The following CASD1 variants were observed in gnomAD, a reference collection of about 807,000 sequenced individuals.
CASD1 encodes the protein N-acetylneuraminate (7)9-O-acetyltransferase.
CASD1 carries 41 observed loss-of-function variants against 100.0 expected under a neutral mutation model. The ratio of observed to expected loss-of-function variants is 0.41; its 90% CI spans 0.32 to 0.53. The LOEUF (loss-of-function observed/expected upper bound fraction) is 0.53. Ranked by LOEUF, CASD1 falls within the 20% of genes least tolerant of loss-of-function variation. The pLI, the probability that CASD1 is intolerant of heterozygous loss-of-function variation, is 0.25. For missense variants in CASD1, 774 were observed against 948.7 expected, an observed-to-expected ratio of 0.82 and a Z score of 2.42; for synonymous variants, 321 against 315.6, an observed-to-expected ratio of 1.02 and a Z score of -0.18.
chr7:94,634,034 ATC>A, the CASD1 span, among the ~76,000 whole-genome samples: 1 of 152,176 alleles, frequency 6.6e-6, no homozygotes, highest in African/African-American at 2.4e-5. Flanking sequence ...TCTTAAAGCC[ATC>A]TGTCTTCTGA....
chr7:94,615,389 GATAGA>G, the CASD1 span, among the ~76,000 whole-genome samples: 1 of 148,572 alleles, frequency 6.7e-6, no homozygotes, highest in East Asian at 1.9e-4. Flanking sequence ...TAGATAGATA[GATAGA>G]TAGATAGATA....
chr7:94,585,313 C>T, the CASD1 span: 3 of 512,326 alleles, frequency 5.9e-6, no homozygotes, highest in Non-Finnish European at 1.0e-5. Context: ...GTCAAAAATG[C>T]TTTAAGTACA....
At chr7:94,586,381 G>A in the CASD1 span, among the ~76,000 whole-genome samples, 1 of 152,108 alleles carries the variant, frequency 6.6e-6, no homozygotes, top group Admixed American at 6.5e-5. Context: ...TCAGATAGAA[G>A]AATTTAGAAA....
chr7:94,591,044 G>A, the CASD1 span, among the ~76,000 whole-genome samples: 255 of 152,154 alleles, frequency 1.7e-3, no homozygotes, highest in Non-Finnish European at 2.2e-3. Flanking sequence ...AATTCATCCC[G>A]ACGATTATAT....
intron 9 of CASD1, among the ~76,000 whole-genome samples, chr7:94,538,139 A>AT (rs891679673): frequency 7.2e-5 from 11 of 152,124 alleles, no homozygotes; most frequent in African/African-American, 2.7e-4. Context: ...TGTGAAAAAG[A>AT]TTTCATGACT....
At chr7:94,522,136 G>A (rs1023347549) in intron 3 of CASD1, among the ~76,000 whole-genome samples, 1 of 152,106 alleles carries the variant, frequency 6.6e-6, no homozygotes, top group South Asian at 2.1e-4. Flanking sequence ...ATAAATGCAA[G>A]TAGCCTAAAC....
At chr7:94,629,695 T>A in the CASD1 span, 1 of 1,609,996 alleles carries the variant, frequency 6.2e-7, no homozygotes, top group Non-Finnish European at 8.5e-7. Context: ...GTTAACTGCT[T>A]TTTTTTCCTC....
At chr7:94,583,450 A>C in the CASD1 span, among the ~76,000 whole-genome samples, 11 of 152,284 alleles carry the variant, frequency 7.2e-5, no homozygotes, top group East Asian at 2.1e-3. Flanking sequence ...GTTTAAAAGA[A>C]TCATGGTCCC....
the CASD1 span, among the ~76,000 whole-genome samples, chr7:94,614,107 C>CAAAAAAAAAA: frequency 2.1e-5 from 2 of 94,960 alleles, no homozygotes; most frequent in East Asian, 3.3e-4. Context: ...AAATTGAAAT[C>CAAAAAAAAAA]AAAAAAAAAA....
intron 3 of CASD1, among the ~76,000 whole-genome samples, chr7:94,524,036 G>A (rs142836338): frequency 6.7e-4 from 102 of 152,084 alleles, no homozygotes; most frequent in Non-Finnish European, 1.1e-3. Context: ...TAGTAAAATC[G>A]TTTCTAGATG....
the CASD1 span, among the ~76,000 whole-genome samples, chr7:94,608,066 G>A: frequency 2.0e-5 from 3 of 152,244 alleles, no homozygotes; most frequent in Admixed American, 1.3e-4. Context: ...AACAGAGGCC[G>A]GGTGTGATGG....
the CASD1 span, among the ~76,000 whole-genome samples, chr7:94,610,073 A>G: frequency 1.6e-4 from 25 of 152,362 alleles, no homozygotes; most frequent in African/African-American, 5.8e-4. Flanking sequence ...AAGAAACTTC[A>G]AAGCATATTA....
chr7:94,580,414 G>T, the CASD1 span, among the ~76,000 whole-genome samples: 1 of 152,060 alleles, frequency 6.6e-6, no homozygotes, highest in Non-Finnish European at 1.5e-5. Flanking sequence ...CTTAAATAAT[G>T]CTCTTCTATC....
chr7:94,533,902 A>T, intron 7 of CASD1, 100 bp downstream of exon 7: 8 of 1,127,738 alleles, frequency 7.1e-6, no homozygotes. Flanking sequence ...GCTTTATGAG[A>T]ATTAATTTTG....
the CASD1 span, chr7:94,587,582 G>A: frequency 1.5e-6 from 2 of 1,374,774 alleles, no homozygotes; most frequent in South Asian, 1.9e-5. Context: ...CTCTTTAGGT[G>A]ACTCATTTTT....
the CASD1 span, among the ~76,000 whole-genome samples, chr7:94,569,199 A>G: frequency 6.6e-6 from 1 of 152,190 alleles, no homozygotes; most frequent in Non-Finnish European, 1.5e-5. Context: ...CACATCTGGT[A>G]ACTTATACTC....
Position 94,510,173 on chromosome 7 carries a change from T to C in CASD1, c.89T>C (p.Val30Ala), listed in dbSNP as rs1584363481. The change falls in exon 1 of 18, where the codon GTG becomes GCG. Residue 30 changes from valine (V) to alanine (A), a missense_variant. Transcript: ENST00000297273. ...RSAKVLALVA[V>A]LLLAACHLAS... ...GCCAAGGTGCTGGCGCTGGTGGCCG[T>C]GCTGCTGCTCGCAGCGTGCCACCTC... is the stretch of plus-strand genomic sequence containing the variant. The C allele has an allele frequency of 2.0e-6, 3 of 1,522,262 alleles. No homozygotes were observed. In the East Asian group the frequency reaches 7.8e-5, roughly 40 times the overall value. 94.3% of individuals were successfully genotyped at this position (1,522,262 alleles called of 1,614,324 possible).
intron 17 of CASD1, among the ~76,000 whole-genome samples, chr7:94,554,969 T>C (rs1796133238): frequency 6.6e-6 from 1 of 152,070 alleles, no homozygotes; most frequent in Non-Finnish European, 1.5e-5. Flanking sequence ...ATTCAGTTTA[T>C]TGATGCATAC....
At chr7:94,579,218 T>TAAA in the CASD1 span, among the ~76,000 whole-genome samples, 3 of 136,024 alleles carry the variant, frequency 2.2e-5, no homozygotes, top group African/African-American at 5.3e-5. Flanking sequence ...TTTTAAATGT[T>TAAA]AAAAAAAAAA....
Sources: gnomAD v4.1 joint callset for allele counts (sites outside exome capture counted in the v4.1 genomes callset) on GRCh38, gnomAD v4.1.1 for gene constraint, MANE v1.5 for transcripts, NCBI Gene and HGNC (gene_info 2026-07-23, HGNC 2026-07-21) for gene names.